The following CAMKMT variants were observed in gnomAD, a reference collection of about 807,000 sequenced individuals.
The protein encoded by CAMKMT is CaM KMT.
A neutral mutation model predicts 48.0 loss-of-function variants in CAMKMT; 53 were observed. That is an observed-to-expected ratio of 1.10 (90% CI 0.89 to 1.39). CAMKMT has a LOEUF of 1.39. CAMKMT is among the 40% of genes most tolerant of loss of function. The probability of loss-of-function intolerance (pLI) is 0.00; values close to 1 mark genes in which losing one functional copy is unlikely to be tolerated. For synonymous variants in CAMKMT, 165 were observed against 152.3 expected, an observed-to-expected ratio of 1.08 and a Z score of -0.61; for missense variants, 428 against 402.7, an observed-to-expected ratio of 1.06 and a Z score of -0.54.
At chr2:44,738,165 A>G (rs1324754141) in intron 7 of CAMKMT, among the ~76,000 whole-genome samples, 1 of 152,000 alleles carries the variant, frequency 6.6e-6, no homozygotes, top group Admixed American at 6.6e-5. Flanking sequence ...CATCTTCTTA[A>G]CTCAGGCAGT....
intron 3 of CAMKMT, among the ~76,000 whole-genome samples, chr2:44,606,125 T>C (rs891995208): frequency 5.3e-5 from 8 of 152,198 alleles, no homozygotes; most frequent in African/African-American, 1.9e-4. Context: ...TTTTCAAGCA[T>C]GTTTCTTTTA....
intron 3 of CAMKMT, among the ~76,000 whole-genome samples, chr2:44,397,955 A>G (rs1031143399): frequency 6.6e-6 from 1 of 152,208 alleles, no homozygotes; most frequent in Non-Finnish European, 1.5e-5. Flanking sequence ...AAATATCTAA[A>G]GGGATGTTTC....
chr2:44,625,686 A>G (rs1488171624), intron 3 of CAMKMT, among the ~76,000 whole-genome samples: 1 of 152,140 alleles, frequency 6.6e-6, no homozygotes, highest in Admixed American at 6.5e-5. Flanking sequence ...ATTATTTTTA[A>G]TACAGTGTGA....
intron 7 of CAMKMT, among the ~76,000 whole-genome samples, chr2:44,733,839 G>C (rs554039897): frequency 1.3e-5 from 2 of 152,042 alleles, no homozygotes; most frequent in East Asian, 3.9e-4. Flanking sequence ...TGTATATTAT[G>C]GACAACTTTG....
chr2:44,700,485 C>G (rs868452883), intron 3 of CAMKMT, among the ~76,000 whole-genome samples: 1 of 152,166 alleles, frequency 6.6e-6, no homozygotes, highest in African/African-American at 2.4e-5. Flanking sequence ...AGACATGCAA[C>G]TATTCCTTTC....
chr2:44,383,684 G>A (rs1680490392), intron 2 of CAMKMT, among the ~76,000 whole-genome samples: 1 of 152,040 alleles, frequency 6.6e-6, no homozygotes, highest in Non-Finnish European at 1.5e-5. Flanking sequence ...TTATGCCTTT[G>A]CATCCTCATA....
chr2:44,499,062 C>T (rs983326216), intron 3 of CAMKMT, among the ~76,000 whole-genome samples: 22 of 151,996 alleles, frequency 1.4e-4, no homozygotes, highest in African/African-American at 3.4e-4. Context: ...TTACTTAAGA[C>T]GAGTTGCAAT....
At chr2:44,508,395 G>A (rs1184418109) in intron 3 of CAMKMT, among the ~76,000 whole-genome samples, 5 of 152,136 alleles carry the variant, frequency 3.3e-5, no homozygotes, top group Non-Finnish European at 7.4e-5. Context: ...GGAGTGAGTA[G>A]GCAGTATACC....
rs555091265 is a variant in CAMKMT at position 44,552,695 on chromosome 2, G to A, written c.377-151588G>A. ...AATATTATTTCCATTTTACATATGA[G>A]GAAACTGAGATACAGAGAGGCTTAA... On this transcript the variant is annotated intron_variant, in intron 3 of 10. Transcript: ENST00000378494. 1.8e-3 allele frequency among the ~76,000 whole-genome samples: 279 copies of A among 152,254 alleles called. 1 individual carries two copies. Among genetic ancestry groups the A allele is most frequent in the Middle Eastern group, 6.8e-3 (2 of 294 alleles).
At chr2:44,376,772 C>T (rs1262222356) in intron 2 of CAMKMT, among the ~76,000 whole-genome samples, 1 of 152,174 alleles carries the variant, frequency 6.6e-6, no homozygotes, top group Non-Finnish European at 1.5e-5. Context: ...GTCAGCCTTA[C>T]ATGATAATAA....
intron 3 of CAMKMT, among the ~76,000 whole-genome samples, chr2:44,544,568 G>C (rs1055895062): frequency 5.9e-5 from 9 of 152,186 alleles, no homozygotes; most frequent in Admixed American, 1.3e-4. Context: ...GCTGTAGCTA[G>C]GCTTTCTGTT....
chr2:44,729,374 T>C (rs964169610), intron 7 of CAMKMT, among the ~76,000 whole-genome samples: 1 of 152,084 alleles, frequency 6.6e-6, no homozygotes, highest in Non-Finnish European at 1.5e-5. Flanking sequence ...AAAATGTCTG[T>C]GTGTCAGGAG....
intron 3 of CAMKMT, among the ~76,000 whole-genome samples, chr2:44,439,322 C>T (rs1343069153): frequency 6.6e-6 from 1 of 152,168 alleles, no homozygotes; most frequent in African/African-American, 2.4e-5. Context: ...CTCCTACATC[C>T]TTAATTCCTC....
rs1278577015 is a variant in CAMKMT, at chr2:44,684,490, C to CA, written c.377-19782dup. Among the ~76,000 whole-genome samples the CA allele has an allele frequency of 3.0e-3, 414 of 138,978 alleles. 2 individuals are homozygous for CA. The highest frequency in any genetic ancestry group is 0.014 in the Middle Eastern group (4 of 276). The allele number at this position is 138,978 out of a possible 152,430, so 91.2% of individuals were successfully genotyped here. On this transcript the variant is annotated intron_variant, in intron 3 of 10. Coordinates refer to ENST00000378494, the MANE Select transcript of CAMKMT (RefSeq NM_024766.5). ...TTTTATCATAGCAAAGAGAAGGGGACAAAAAAAAAAACCTAGACAGAATCA... is the reference window on the plus strand; with the variant it reads ...TTTTATCATAGCAAAGAGAAGGGGACAAAAAAAAAAAACCTAGACAGAATCA...
At chr2:44,663,776 C>T (rs529955780) in intron 3 of CAMKMT, among the ~76,000 whole-genome samples, 1 of 152,260 alleles carries the variant, frequency 6.6e-6, no homozygotes, top group Admixed American at 6.5e-5. Context: ...TCTTTCCATT[C>T]ATTTATATAA....
chr2:44,647,389 T>C (rs1673793420), intron 3 of CAMKMT, among the ~76,000 whole-genome samples: 1 of 152,178 alleles, frequency 6.6e-6, no homozygotes, highest in South Asian at 2.1e-4. Context: ...TGTCTGTGCA[T>C]GGACTGAATA....
chr2:44,608,314 A>G (rs936179130), intron 3 of CAMKMT, among the ~76,000 whole-genome samples: 1 of 151,666 alleles, frequency 6.6e-6, no homozygotes, highest in East Asian at 1.9e-4. Flanking sequence ...CCTCGTGATC[A>G]GCCCACCTCG....
intron 3 of CAMKMT, among the ~76,000 whole-genome samples, chr2:44,703,390 A>C (rs553241596): frequency 6.6e-6 from 1 of 152,206 alleles, no homozygotes; most frequent in Non-Finnish European, 1.5e-5. Context: ...GCAATTTAGC[A>C]GGTAGAATTA....
chr2:44,592,248 AT>A (rs1036550679), intron 3 of CAMKMT, among the ~76,000 whole-genome samples: 50 of 151,840 alleles, frequency 3.3e-4, no homozygotes, highest in Middle Eastern at 3.4e-3. Flanking sequence ...CTACGAATTC[AT>A]TTTTTTTATG....
Sources: allele counts gnomAD v4.1 joint callset (sites outside exome capture counted in the v4.1 genomes callset), GRCh38; gene constraint gnomAD v4.1.1; transcripts MANE v1.5; gene names NCBI Gene and HGNC (gene_info 2026-07-23, HGNC 2026-07-21).